The following TMEM92 variants were observed in gnomAD, a reference collection of about 807,000 sequenced individuals.
TMEM92 encodes the protein transmembrane protein 92.
Under a neutral mutation model 14.6 loss-of-function variants are expected in TMEM92, and 15 were observed. That is an observed-to-expected ratio of 1.03 (90% CI 0.69 to 1.58). The LOEUF (loss-of-function observed/expected upper bound fraction) is 1.58, where lower values mean the gene tolerates loss of function less well. Ranked by LOEUF, TMEM92 falls within the 40% of genes most tolerant of loss-of-function variation. The pLI is 0.00. For missense variants in TMEM92, 174 were observed against 202.4 expected, an observed-to-expected ratio of 0.86 and a Z score of 0.85; for synonymous variants, 85 against 83.3, an observed-to-expected ratio of 1.02 and a Z score of -0.11.
At position 50,279,882 on chromosome 17, in the gene TMEM92, A is replaced by T. The variant is rs1161442758; in HGVS notation, c.*574A>T. On this transcript the variant is annotated 3_prime_UTR_variant, in exon 5 of 5. Transcript: ENST00000507382. ...CCAGGCACTGCTGAGGGGTGCGGTG[A>T]TGGGGTCGCTGCGCCGCAATCCCAC... The T allele has an allele frequency of 6.4e-6, 1 of 155,722 alleles. No homozygotes were observed. Among genetic ancestry groups the T allele is most frequent in the African/African-American group, 2.4e-5 (1 of 41,410 alleles). 9.6% of individuals were successfully genotyped at this position (155,722 alleles called of 1,614,324 possible).
chr17:50,276,981 A>G (rs890330683), intron 1 of TMEM92, among the ~76,000 whole-genome samples: 1 of 152,108 alleles, frequency 6.6e-6, no homozygotes, highest in African/African-American at 2.4e-5. Context: ...AGAGTGTTCC[A>G]AGTCAGTGTG....
chr17:50,275,663 C>G (rs1468425665), intron 1 of TMEM92, among the ~76,000 whole-genome samples: 1 of 152,080 alleles, frequency 6.6e-6, no homozygotes, highest in African/African-American at 2.4e-5. Context: ...GCTCCTCCCC[C>G]TCCCAAACCG....
At chr17:50,275,954 A>G (rs1274879584) in intron 1 of TMEM92, among the ~76,000 whole-genome samples, 3 of 152,074 alleles carry the variant, frequency 2.0e-5, no homozygotes, top group African/African-American at 7.2e-5. Flanking sequence ...CCTGACCAAC[A>G]ACCCCATCTC....
chr17:50,275,392 G>T (rs1001609522), intron 1 of TMEM92, among the ~76,000 whole-genome samples: 1 of 152,058 alleles, frequency 6.6e-6, no homozygotes, highest in Non-Finnish European at 1.5e-5. Flanking sequence ...CCGTGGACCC[G>T]GGTTAGTGAG....
Position 50,279,191 on chromosome 17 carries a change from G to C in TMEM92, c.367-4G>C. On this transcript the variant is annotated splice_region_variant and splice_polypyrimidine_tract_variant and intron_variant, in intron 4 of 4. Transcript: ENST00000507382. ...GAAGACTGAATTCTCTCTTTTCCCT[G>C]CAGGTGATTCTGAAGCCCAGCCTGG... 1 of 1,613,278 alleles carries C rather than the reference G, an allele frequency of 6.2e-7. No individual in the cohort carries two copies. Among genetic ancestry groups the C allele is most frequent in the African/African-American group, 1.3e-5 (1 of 75,014 alleles).
chr17:50,271,753 A>G (rs1476687487), upstream of TMEM92, among the ~76,000 whole-genome samples: 1 of 152,130 alleles, frequency 6.6e-6, no homozygotes, highest in African/African-American at 2.4e-5. Flanking sequence ...CAAATATTGC[A>G]TGGGCCCAGG....
chr17:50,275,834 T>C (rs1329361223), intron 1 of TMEM92, among the ~76,000 whole-genome samples: 1 of 152,038 alleles, frequency 6.6e-6, no homozygotes, highest in African/African-American at 2.4e-5. Flanking sequence ...TCTGTATATA[T>C]ATATTTTTAA....
At chr17:50,274,809 C>T (rs1910373483) in intron 1 of TMEM92, 2 of 555,316 alleles carry the variant, frequency 3.6e-6, no homozygotes, top group Non-Finnish European at 6.4e-6. Context: ...TGGCCACCAC[C>T]CACCACCTTA....
At position 50,281,052 on chromosome 17, in the gene TMEM92, C is replaced by T. The variant is rs1910603033; in HGVS notation, c.*1744C>T. The T allele has an allele frequency of 6.6e-6, 1 of 152,174 alleles. No individual in the cohort carries two copies. The highest frequency in any genetic ancestry group is 2.4e-5 in the African/African-American group (1 of 41,408). The allele number at this position is 152,174 out of a possible 1,614,324, so 9.4% of individuals were successfully genotyped here. On this transcript the variant is annotated 3_prime_UTR_variant, in exon 5 of 5. Coordinates refer to ENST00000507382, the MANE Select transcript of TMEM92 (RefSeq NM_153229.3). The stretch of plus-strand genomic sequence containing the variant: ...GGAGACCTGGAGGAGAAGTTACCCT[C>T]GGCCCAGACGTTGCCTTCCTTTCAT...
At chr17:50,272,101 G>T (rs542092813), upstream of TMEM92, among the ~76,000 whole-genome samples, 14 of 152,082 alleles carry the variant, frequency 9.2e-5, no homozygotes, top group African/African-American at 3.1e-4. Context: ...ATTTACCTGG[G>T]CCTCCTGTCT....
intron 1 of TMEM92, among the ~76,000 whole-genome samples, chr17:50,275,745 G>A (rs557960597): frequency 1.8e-4 from 27 of 152,282 alleles, no homozygotes; most frequent in Non-Finnish European, 3.4e-4. Context: ...AAAAGGACAA[G>A]GGCCAGAGTG....
intron 1 of TMEM92, 170 bp downstream of exon 1, chr17:50,274,740 A>G (rs1910371832): frequency 1.5e-6 from 1 of 663,126 alleles, no homozygotes. Context: ...GGGGCAGCGG[A>G]GGAGGCTCTG....
At position 50,279,151 on chromosome 17, in the gene TMEM92, C is replaced by T. The variant is rs1024471215; in HGVS notation, c.367-44C>T. 8.2e-6 allele frequency: 13 copies of T among 1,591,734 alleles called. No individual in the cohort carries two copies. The African/African-American group carries it at 1.7e-4, about 21-fold the overall frequency. ...TCAGCTGGGATGGGGGAGTGGTGGCCAGGGCCAGGGCCCAGAAGACTGAAT... is the reference window on the plus strand; with the variant it reads ...TCAGCTGGGATGGGGGAGTGGTGGCTAGGGCCAGGGCCCAGAAGACTGAAT... On this transcript the variant is annotated intron_variant, in intron 4 of 4. Coordinates refer to ENST00000507382, the MANE Select transcript of TMEM92 (RefSeq NM_153229.3).
upstream of TMEM92, among the ~76,000 whole-genome samples, chr17:50,273,045 C>A (rs1277655860): frequency 6.6e-6 from 1 of 152,058 alleles, no homozygotes; most frequent in Non-Finnish European, 1.5e-5. Context: ...AGGCAGAGAG[C>A]AAGGAAAGAG....
intron 3 of TMEM92, 31 bp from the exon 4 acceptor site, chr17:50,278,770 C>T: frequency 6.3e-7 from 1 of 1,588,670 alleles, no homozygotes; most frequent in Non-Finnish European, 8.6e-7. Context: ...GGCCTGGGGA[C>T]TCAGGGTACT....
At chr17:50,273,458 C>T (rs977695527), upstream of TMEM92, among the ~76,000 whole-genome samples, 1 of 152,242 alleles carries the variant, frequency 6.6e-6, no homozygotes, top group African/African-American at 2.4e-5. Flanking sequence ...GGCCTGCTCG[C>T]CCGCGCCCCG....
chr17:50,278,411 G>A (rs565015332), intron 2 of TMEM92, 145 bp from the exon 3 acceptor site: 324 of 829,556 alleles, frequency 3.9e-4, no homozygotes, highest in Non-Finnish European at 1.5e-4. Flanking sequence ...ACTGAGCTCA[G>A]AGCGGGGGCC....
rs192767207 is a variant in TMEM92, at chr17:50,279,573, G to A, written c.*265G>A. 7.1e-6 allele frequency: 3 copies of A among 423,448 alleles called. No homozygotes were observed. The East Asian group carries it at 1.6e-4, about 23-fold the overall frequency. 26.2% of individuals were successfully genotyped at this position (423,448 alleles called of 1,614,324 possible). On this transcript the variant is annotated 3_prime_UTR_variant, in exon 5 of 5. Transcript: ENST00000507382. ...GGAAAGAAAATGCTGACCATTGGAG[G>A]TGCCCAACAGTAGAATGGGCTACTG...
Position 50,274,492 on chromosome 17 carries a change from C to G in TMEM92, c.-10C>G, listed in dbSNP as rs768526565. 6.2e-7 allele frequency: 1 copy of G among 1,613,902 alleles called. No homozygotes were observed. Among genetic ancestry groups the G allele is most frequent in the Non-Finnish European group, 8.5e-7 (1 of 1,179,860 alleles). On this transcript the variant is annotated 5_prime_UTR_variant, in exon 1 of 5. Transcript: ENST00000507382. ...TCTACACAGGAAAGCTCAGTGGCCC[C>G]CAAGCCAGGATGTCCCAAGCTTGGG...
Sources: allele counts gnomAD v4.1 joint callset (sites outside exome capture counted in the v4.1 genomes callset), GRCh38; gene constraint gnomAD v4.1.1; transcripts MANE v1.5; gene names NCBI Gene and HGNC (gene_info 2026-07-23, HGNC 2026-07-21).